Variants in ATP10A observed in about 807,000 individuals in gnomAD.
ATP10A encodes the protein ATPase phospholipid transporting 10A (putative), also known as phospholipid-transporting ATPase VA.
ATP10A carries 111 observed loss-of-function variants against 147.8 expected under a neutral mutation model. The ratio of observed to expected loss-of-function variants is 0.75; its 90% CI spans 0.64 to 0.88. The LOEUF is 0.88. Among genes scored for constraint, ATP10A ranks in the 40% least tolerant of loss-of-function variants. The pLI, the probability that ATP10A is intolerant of heterozygous loss-of-function variation, is 0.00. For missense variants in ATP10A, 1,927 were observed against 1,959.0 expected (o/e 0.98, Z 0.31); for synonymous variants, 875 against 841.6 (o/e 1.04, Z -0.69).
rs968604623 is a variant in ATP10A, at chr15:25,721,812, G to C, written c.1208C>G (p.Thr403Arg). 4 of 1,614,056 alleles carry C rather than the reference G, an allele frequency of 2.5e-6. No homozygotes were observed. Among genetic ancestry groups the C allele is most frequent in the African/African-American group, 1.3e-5 (1 of 74,908 alleles). Residue 403 changes from threonine (T) to arginine (R), a missense_variant, in exon 7 of 21, where the codon ACA becomes AGA. Transcript: ENST00000555815. ...AGCTCGGCACTGCAGCTGCGAGTCTGTTTCTTCGTCATACAACTGCATGTC... is the reference window on the plus strand; with the variant it reads ...AGCTCGGCACTGCAGCTGCGAGTCTCTTTCTTCGTCATACAACTGCATGTC... ...NQDMQLYDEE[T>R]DSQLQCRALN...
At chr15:25,681,894 A>C (rs1015416737) in intron 17 of ATP10A, among the ~76,000 whole-genome samples, 7 of 152,182 alleles carry the variant, frequency 4.6e-5, no homozygotes, top group African/African-American at 9.6e-5. Flanking sequence ...TCTACTAAAC[A>C]TATAGAAAAA....
intron 1 of ATP10A, among the ~76,000 whole-genome samples, chr15:25,853,658 A>G (rs1054994558): frequency 6.6e-6 from 1 of 152,152 alleles, no homozygotes; most frequent in Non-Finnish European, 1.5e-5. Flanking sequence ...CCTTACTTGC[A>G]GGAAGGATGG....
chr15:25,816,609 C>T (rs1347846313), intron 1 of ATP10A, among the ~76,000 whole-genome samples: 2 of 152,132 alleles, frequency 1.3e-5, no homozygotes, highest in Non-Finnish European at 2.9e-5. Flanking sequence ...TAAAAAGTAA[C>T]AATCCACCAT....
intron 2 of ATP10A, among the ~76,000 whole-genome samples, chr15:25,743,862 C>T (rs569989946): frequency 6.6e-4 from 101 of 152,182 alleles, no homozygotes; most frequent in African/African-American, 2.0e-3. Flanking sequence ...CATCAGTGTG[C>T]GGGGATTGAG....
chr15:25,701,768 G>A (rs1900674081), intron 13 of ATP10A, 148 bp downstream of exon 13: 1 of 713,608 alleles, frequency 1.4e-6, no homozygotes, highest in East Asian at 2.8e-5. Flanking sequence ...CCTCTTCCAA[G>A]GCAATAACAT....
At chr15:25,758,872 CCACCTGCTCCACCCTTACTCATTCTGAT>C (rs1342507567) in intron 2 of ATP10A, among the ~76,000 whole-genome samples, 28 of 140,048 alleles carry the variant, frequency 2.0e-4, no homozygotes, top group East Asian at 7.9e-4. Context: ...CTCATTCCGA[CCACCTGCTCCACCCTTACTCATTCTGAT>C]CACCTGCTCC....
At chr15:25,814,526 A>G (rs1051586595) in intron 1 of ATP10A, among the ~76,000 whole-genome samples, 8 of 152,216 alleles carry the variant, frequency 5.3e-5, no homozygotes, top group Non-Finnish European at 2.9e-5. Context: ...ACTGGAATCC[A>G]AATCCCATTT....
intron 7 of ATP10A, among the ~76,000 whole-genome samples, chr15:25,720,240 T>C (rs911611337): frequency 2.6e-5 from 4 of 152,224 alleles, no homozygotes; most frequent in African/African-American, 7.2e-5. Flanking sequence ...CTGATGTATG[T>C]GTACAATGTG....
chr15:25,769,091 C>T (rs529483633), intron 2 of ATP10A, among the ~76,000 whole-genome samples: 25 of 152,236 alleles, frequency 1.6e-4, no homozygotes, highest in African/African-American at 6.0e-4. Context: ...CATGCACACG[C>T]GCTCCAATAC....
chr15:25,757,297 T>C (rs1567359934), intron 2 of ATP10A, among the ~76,000 whole-genome samples: 1 of 152,214 alleles, frequency 6.6e-6, no homozygotes, highest in Non-Finnish European at 1.5e-5. Flanking sequence ...ATCCATAAAA[T>C]ATTGGTAAGT....
intron 1 of ATP10A, among the ~76,000 whole-genome samples, chr15:25,805,652 G>T (rs1173158443): frequency 6.6e-6 from 1 of 152,108 alleles, no homozygotes; most frequent in Non-Finnish European, 1.5e-5. Context: ...TGTCTTACAT[G>T]GGAAGAACAT....
chr15:25,755,785 C>T (rs1888377777), intron 2 of ATP10A, among the ~76,000 whole-genome samples: 1 of 152,102 alleles, frequency 6.6e-6, no homozygotes, highest in African/African-American at 2.4e-5. Flanking sequence ...AATGAAGAAA[C>T]AAAGCTGAAA....
intron 1 of ATP10A, among the ~76,000 whole-genome samples, chr15:25,809,790 A>G (rs918006486): frequency 2.0e-5 from 3 of 152,134 alleles, no homozygotes; most frequent in Non-Finnish European, 4.4e-5. Flanking sequence ...GGAAGATCCT[A>G]AAACACATGA....
intron 2 of ATP10A, among the ~76,000 whole-genome samples, chr15:25,774,600 A>G (rs1889515401): frequency 6.9e-6 from 1 of 144,508 alleles, no homozygotes. Context: ...AAAAAAAAAG[A>G]TCAGAGTGCT....
intron 15 of ATP10A, 123 bp downstream of exon 15, chr15:25,691,592 A>T: frequency 2.1e-6 from 2 of 940,924 alleles, no homozygotes; most frequent in Non-Finnish European, 3.4e-6. Flanking sequence ...CAGCTATATT[A>T]AGGGCAAACC....
At chr15:25,711,774 T>C (rs1004253152) in intron 10 of ATP10A, among the ~76,000 whole-genome samples, 13 of 152,206 alleles carry the variant, frequency 8.5e-5, no homozygotes, top group African/African-American at 3.1e-4. Context: ...GGAAGCTCCC[T>C]TCCTGAGACC....
chr15:25,726,315 GAAAGAAATA>G (rs1902545897), intron 4 of ATP10A, among the ~76,000 whole-genome samples: 1 of 152,134 alleles, frequency 6.6e-6, no homozygotes, highest in Non-Finnish European at 1.5e-5. Context: ...GAACGAAATG[GAAAGAAATA>G]CACTACCGTG....
intron 12 of ATP10A, among the ~76,000 whole-genome samples, chr15:25,703,218 C>T (rs768177260): frequency 2.6e-5 from 4 of 152,052 alleles, no homozygotes; most frequent in Non-Finnish European, 4.4e-5. Context: ...ATTACCTGGG[C>T]GTGGTAGTGG....
At chr15:25,781,989 G>A (rs1038881931) in intron 1 of ATP10A, among the ~76,000 whole-genome samples, 1 of 152,212 alleles carries the variant, frequency 6.6e-6, no homozygotes, top group African/African-American at 2.4e-5. Flanking sequence ...GCAGTGACTG[G>A]AACAGGTATA....
Sources: allele counts gnomAD v4.1 joint callset (sites outside exome capture counted in the v4.1 genomes callset), GRCh38; gene constraint gnomAD v4.1.1; transcripts MANE v1.5; gene names NCBI Gene and HGNC (gene_info 2026-07-23, HGNC 2026-07-21).